Variants in ASF1B observed in about 807,000 individuals in gnomAD.
The protein encoded by ASF1B is histone chaperone ASF1B.
In ASF1B, 10 loss-of-function variants were observed where a neutral mutation model predicts 16.6. That is an observed-to-expected ratio of 0.60 (90% CI 0.37 to 1.02). The LOEUF is 1.02. Among genes scored for constraint, ASF1B ranks in the 50% least tolerant of loss-of-function variants. The pLI, the probability that ASF1B is intolerant of heterozygous loss-of-function variation, is 0.01. For missense variants in ASF1B, 240 were observed against 266.0 expected (o/e 0.90, Z 0.68); for synonymous variants, 101 against 106.2 (o/e 0.95, Z 0.30).
At chr19:14,129,830 T>C (rs1022056648) in intron 1 of ASF1B, among the ~76,000 whole-genome samples, 1 of 150,744 alleles carries the variant, frequency 6.6e-6, no homozygotes, top group Non-Finnish European at 1.5e-5. Flanking sequence ...GTGGATTGCT[T>C]GAGCTCAGAA....
intron 1 of ASF1B, among the ~76,000 whole-genome samples, chr19:14,127,277 C>T (rs1288867806): frequency 1.3e-5 from 2 of 152,214 alleles, no homozygotes; most frequent in Non-Finnish European, 2.9e-5. Flanking sequence ...ACCTGGGCCT[C>T]TCAAGGCCTG....
chr19:14,134,361 G>A (rs1293960927), intron 1 of ASF1B, among the ~76,000 whole-genome samples: 3 of 151,906 alleles, frequency 2.0e-5, no homozygotes, highest in Non-Finnish European at 4.4e-5. Flanking sequence ...GAGAGAGACC[G>A]GGGAGAGACA....
chr19:14,127,519 G>A (rs1434234908), intron 1 of ASF1B, among the ~76,000 whole-genome samples: 2 of 152,152 alleles, frequency 1.3e-5, no homozygotes, highest in Non-Finnish European at 2.9e-5. Flanking sequence ...TGCAGGAGGG[G>A]GAAGGTGAGG....
chr19:14,131,045 C>A (rs1184912070), intron 1 of ASF1B, among the ~76,000 whole-genome samples: 1 of 149,920 alleles, frequency 6.7e-6, no homozygotes, highest in Admixed American at 6.7e-5. Context: ...GCCTGGCTAA[C>A]TTTTGTATTT....
chr19:14,122,366 CTTTT>C (rs34251080), intron 2 of ASF1B, among the ~76,000 whole-genome samples: 1 of 144,642 alleles, frequency 6.9e-6, no homozygotes, highest in African/African-American at 2.5e-5. Flanking sequence ...TGCGCCTGGA[CTTTT>C]TTTTTTTTTA....
intron 1 of ASF1B, among the ~76,000 whole-genome samples, chr19:14,133,540 C>T (rs1967438629): frequency 1.3e-5 from 2 of 151,900 alleles, no homozygotes; most frequent in South Asian, 4.1e-4. Flanking sequence ...TCATAGCAGG[C>T]ACCTGTAATC....
intron 1 of ASF1B, among the ~76,000 whole-genome samples, chr19:14,130,031 G>A (rs1967378034): frequency 6.6e-6 from 1 of 151,470 alleles, no homozygotes; most frequent in Non-Finnish European, 1.5e-5. Flanking sequence ...AATTAGCTGG[G>A]CGTGGTGGTG....
At chr19:14,133,252 A>C (rs977489252) in intron 1 of ASF1B, among the ~76,000 whole-genome samples, 1 of 152,216 alleles carries the variant, frequency 6.6e-6, no homozygotes, top group African/African-American at 2.4e-5. Context: ...GAAACAGGGA[A>C]TCCTTCCTTT....
intron 1 of ASF1B, among the ~76,000 whole-genome samples, chr19:14,126,483 T>C (rs1375729939): frequency 2.0e-5 from 3 of 152,016 alleles, no homozygotes; most frequent in Non-Finnish European, 4.4e-5. Context: ...TTTTTTTTTC[T>C]TTTTTGAGAT....
intron 1 of ASF1B, among the ~76,000 whole-genome samples, chr19:14,130,530 G>A (rs1967385905): frequency 1.3e-5 from 2 of 151,300 alleles, no homozygotes; most frequent in East Asian, 1.9e-4. Flanking sequence ...AAATCTGGCT[G>A]CAGTGTTATA....
At chr19:14,121,365 C>T (rs548464472) in intron 3 of ASF1B, 167 bp downstream of exon 3, 2 of 715,048 alleles carry the variant, frequency 2.8e-6, no homozygotes, top group East Asian at 5.6e-5. Context: ...TAAGACATGC[C>T]TTTGAGAGAC....
chr19:14,136,278 G>A, intron 1 of ASF1B, 70 bp downstream of exon 1: 1 of 1,367,450 alleles, frequency 7.3e-7, no homozygotes, highest in Non-Finnish European at 1.0e-6. Flanking sequence ...AGTTGGCCAT[G>A]GGAGCGGTTC....
At chr19:14,129,678 CAAAAAAAAAAAAAAAAAAA>C (rs549023648) in intron 1 of ASF1B, among the ~76,000 whole-genome samples, 2 of 34,622 alleles carry the variant, frequency 5.8e-5, no homozygotes, top group African/African-American at 1.2e-4. Context: ...CAGCCTCCGT[CAAAAAAAAAAAAAAAAAAA>C]AAAAAAAAAA....
At chr19:14,126,084 G>A (rs754982565) in intron 2 of ASF1B, 38 bp downstream of exon 2, 11 of 1,447,898 alleles carry the variant, frequency 7.6e-6, no homozygotes, top group Non-Finnish European at 9.4e-6. Context: ...ATGTTTCTAG[G>A]AATCAAGGGC....
At chr19:14,122,680 AAC>A (rs1967258625) in intron 2 of ASF1B, among the ~76,000 whole-genome samples, 1 of 152,198 alleles carries the variant, frequency 6.6e-6, no homozygotes, top group South Asian at 2.1e-4. Flanking sequence ...AACTGATGGA[AAC>A]ACAGAATCAA....
chr19:14,131,369 G>A (rs545132186), intron 1 of ASF1B, among the ~76,000 whole-genome samples: 1 of 150,930 alleles, frequency 6.6e-6, no homozygotes, highest in African/African-American at 2.4e-5. Context: ...ATTTAGTAGA[G>A]CCGGGGTTTC....
At chr19:14,126,852 C>T (rs542096879) in intron 1 of ASF1B, among the ~76,000 whole-genome samples, 1 of 152,280 alleles carries the variant, frequency 6.6e-6, no homozygotes, top group African/African-American at 2.4e-5. Context: ...AGTGATCTGC[C>T]CGCCTCAGCC....
chr19:14,134,718 G>A (rs1247806706), intron 1 of ASF1B, among the ~76,000 whole-genome samples: 1 of 152,098 alleles, frequency 6.6e-6, no homozygotes, highest in Admixed American at 6.6e-5. Flanking sequence ...TGAGATGAGA[G>A]CCATGCCCAC....
chr19:14,121,743 A>T, intron 2 of ASF1B, 35 bp from the exon 3 acceptor site: 1 of 1,573,306 alleles, frequency 6.4e-7, no homozygotes, highest in South Asian at 1.1e-5. Flanking sequence ...TAGCAGTGCC[A>T]CAGCCATGCC....
Sources: allele counts gnomAD v4.1 joint callset (sites outside exome capture counted in the v4.1 genomes callset), GRCh38; gene constraint gnomAD v4.1.1; transcripts MANE v1.5; gene names NCBI Gene and HGNC (gene_info 2026-07-23, HGNC 2026-07-21).